Variants in SEC63 observed in about 807,000 individuals in gnomAD.
SEC63 encodes the protein translocation protein SEC63 homolog.
A neutral mutation model predicts 116.2 loss-of-function variants in SEC63; 56 were observed. That is an observed-to-expected ratio of 0.48 (90% CI 0.39 to 0.60). SEC63 has a LOEUF of 0.60. Among genes scored for constraint, SEC63 ranks in the 20% least tolerant of loss-of-function variants. The pLI is 0.00. For missense variants in SEC63, 668 were observed against 900.0 expected (o/e 0.74, Z 3.30); for synonymous variants, 273 against 294.6 (o/e 0.93, Z 0.75).
chr6:107,947,444 G>A (rs1770500041), intron 1 of SEC63, among the ~76,000 whole-genome samples: 1 of 152,082 alleles, frequency 6.6e-6, no homozygotes, highest in Non-Finnish European at 1.5e-5. Flanking sequence ...GTGACGGTGT[G>A]CACGTGCAGT....
In SEC63 at chr6:107,870,452, T is replaced by C. The variant is rs969820686; in HGVS notation, c.*1252A>G. On this transcript the variant is annotated 3_prime_UTR_variant, in exon 21 of 21. Transcript: ENST00000369002. ...AACAATATTTTGACCTATGGAGATT[T>C]TGATAGGAAAGAATTATTACAATCA... 2 of 152,636 alleles carry C rather than the reference T, an allele frequency of 1.3e-5. No homozygotes were observed. The highest frequency in any genetic ancestry group is 2.4e-5 in the African/African-American group (1 of 41,458). 9.5% of individuals were successfully genotyped at this position (152,636 alleles called of 1,614,324 possible).
intron 4 of SEC63, among the ~76,000 whole-genome samples, chr6:107,920,753 T>C (rs1583757365): frequency 6.6e-6 from 1 of 152,280 alleles, no homozygotes; most frequent in Middle Eastern, 3.4e-3. Flanking sequence ...TCTAGTTAAG[T>C]TTTATCTCTT....
At chr6:107,935,277 C>T (rs1443082561) in intron 1 of SEC63, among the ~76,000 whole-genome samples, 2 of 151,904 alleles carry the variant, frequency 1.3e-5, no homozygotes, top group African/African-American at 4.8e-5. Flanking sequence ...GCCACCACCC[C>T]GTCTGGGAGG....
intron 4 of SEC63, among the ~76,000 whole-genome samples, chr6:107,917,258 A>G (rs984064638): frequency 2.0e-5 from 3 of 152,234 alleles, no homozygotes; most frequent in Non-Finnish European, 4.4e-5. Flanking sequence ...GTATCTATAG[A>G]AACAATGCTA....
At chr6:107,929,593 C>T in intron 1 of SEC63, 79 bp from the exon 2 acceptor site, 1 of 791,510 alleles carries the variant, frequency 1.3e-6, no homozygotes, top group Non-Finnish European at 2.2e-6. Flanking sequence ...GGTTAACTAA[C>T]CTTCATTACC....
chr6:107,935,201 G>A (rs1046211695), intron 1 of SEC63, among the ~76,000 whole-genome samples: 5 of 150,818 alleles, frequency 3.3e-5, no homozygotes, highest in Admixed American at 1.3e-4. Flanking sequence ...CCAGCCGCCC[G>A]TCTGGGAGAT....
chr6:107,954,163 C>T (rs898777755), intron 1 of SEC63, among the ~76,000 whole-genome samples: 15 of 152,174 alleles, frequency 9.9e-5, no homozygotes, highest in Non-Finnish European at 2.1e-4. Flanking sequence ...ATCGGTGACC[C>T]TACCCCCAAC....
intron 1 of SEC63, among the ~76,000 whole-genome samples, chr6:107,933,858 T>A (rs982301970): frequency 6.6e-6 from 1 of 152,208 alleles, no homozygotes; most frequent in Non-Finnish European, 1.5e-5. Context: ...GTGCCTGCGA[T>A]TGCAGGCGCG....
Position 107,917,785 on chromosome 6 carries a change from A to T in SEC63, c.452+4012T>A, listed in dbSNP as rs141331831. Among the ~76,000 whole-genome samples, 554 of 152,328 alleles carry T rather than the reference A, an allele frequency of 3.6e-3. 6 individuals are homozygous for T. The highest frequency in any genetic ancestry group is 0.013 in the African/African-American group (528 of 41,574). On this transcript the variant is annotated intron_variant, in intron 4 of 20. Coordinates refer to ENST00000369002, the MANE Select transcript of SEC63 (RefSeq NM_007214.5). ...GCTGAGAGAGGTGAGGGAGCTGCAG[A>T]AGCTAGCAGATGTTGGTCCACAAGA...
intron 1 of SEC63, among the ~76,000 whole-genome samples, chr6:107,937,978 G>T (rs1426489481): frequency 1.3e-5 from 2 of 152,158 alleles, no homozygotes; most frequent in East Asian, 1.9e-4. Context: ...TATTCTGTAG[G>T]TTGTCTGTTT....
intron 5 of SEC63, 53 bp downstream of exon 5, chr6:107,913,313 T>C: frequency 8.8e-7 from 1 of 1,133,992 alleles, no homozygotes; most frequent in Non-Finnish European, 1.3e-6. Flanking sequence ...CTGGTTAACA[T>C]TTTTATAATA....
chr6:107,944,258 A>C (rs1583776694), intron 1 of SEC63, among the ~76,000 whole-genome samples: 2 of 152,308 alleles, frequency 1.3e-5, no homozygotes, highest in East Asian at 3.9e-4. Context: ...AATTGAGATA[A>C]AGGTTATGGG....
At chr6:107,914,852 C>A (rs937614823) in intron 4 of SEC63, among the ~76,000 whole-genome samples, 3 of 152,096 alleles carry the variant, frequency 2.0e-5, no homozygotes, top group African/African-American at 7.2e-5. Context: ...GTCCTCTATA[C>A]AATACTCCCA....
intron 16 of SEC63, among the ~76,000 whole-genome samples, chr6:107,890,876 T>C (rs778551817): frequency 6.6e-6 from 1 of 152,196 alleles, no homozygotes; most frequent in Non-Finnish European, 1.5e-5. Context: ...TTCTTTTCTT[T>C]AAGAATGTTG....
intron 6 of SEC63, among the ~76,000 whole-genome samples, chr6:107,911,842 G>T (rs1402136936): frequency 6.6e-6 from 1 of 152,208 alleles, no homozygotes; most frequent in Non-Finnish European, 1.5e-5. Flanking sequence ...GGGAACAAAT[G>T]AGATAAGAAG....
At position 107,957,874 on chromosome 6, in the gene SEC63, G is replaced by A. The variant is rs770013102; in HGVS notation, c.124+12C>T. On this transcript the variant is annotated intron_variant, in intron 1 of 20. Transcript: ENST00000369002. ...CTGCGCGGGTTCGCGGGCAAAGGCC[G>A]GCGGGACTCACCGGCATTCTGATCT... The A allele has an allele frequency of 1.2e-6, 2 of 1,608,752 alleles. No homozygotes were observed. The highest frequency in any genetic ancestry group is 1.7e-5 in the Admixed American group (1 of 59,762).
In SEC63 at chr6:107,881,152, A is replaced by C. The variant is rs750031954; in HGVS notation, c.1932T>G (p.Pro644=). The change falls in exon 18 of 21, where the codon CCT becomes CCG. Residue 644 remains proline, a synonymous_variant. Transcript: ENST00000369002. ...ITHPVYSLYF[P]EEKQEWWWLY... ...CAGTAGCCTGTATATAACTCACCTC[A>C]GGAAAGTAAAGGCTATACACAGGAT... The C allele has an allele frequency of 4.4e-6, 7 of 1,599,930 alleles. No homozygotes were observed. In the East Asian group the frequency reaches 8.9e-5, roughly 20 times the overall value.
chr6:107,941,944 C>T (rs1272875685), intron 1 of SEC63, among the ~76,000 whole-genome samples: 1 of 152,068 alleles, frequency 6.6e-6, no homozygotes, highest in African/African-American at 2.4e-5. Flanking sequence ...TTGAAAGAGA[C>T]AAAAATAAAA....
intron 8 of SEC63, 86 bp from the exon 9 acceptor site, chr6:107,906,863 G>A (rs778234848): frequency 3.9e-6 from 4 of 1,018,004 alleles, no homozygotes; most frequent in Non-Finnish European, 6.2e-6. Flanking sequence ...ACTTGAAAGT[G>A]AAGCACTTTT....
Sources: gnomAD v4.1 joint callset for allele counts (sites outside exome capture counted in the v4.1 genomes callset) on GRCh38, gnomAD v4.1.1 for gene constraint, MANE v1.5 for transcripts, NCBI Gene and HGNC (gene_info 2026-07-23, HGNC 2026-07-21) for gene names.